Variants in PCDHGA1 observed in about 807,000 individuals in gnomAD.
PCDHGA1 encodes protocadherin gamma subfamily A, 1.
PCDHGA1 carries 32 observed loss-of-function variants against 58.0 expected under a neutral mutation model. The observed-to-expected ratio is 0.55, with a 90% CI of 0.42 to 0.74. The LOEUF (loss-of-function observed/expected upper bound fraction) is 0.74, where lower values mean the gene tolerates loss of function less well. Among genes scored for constraint, PCDHGA1 ranks in the 30% least tolerant of loss-of-function variants. The pLI is 0.00. For missense variants in PCDHGA1, 1,205 were observed against 1,182.3 expected (o/e 1.02, Z -0.28); for synonymous variants, 498 against 501.1 (o/e 0.99, Z 0.08).
chr5:141,333,102 TCAG>T lies in PCDHGA1; in HGVS notation c.2419_2421del (p.Gln808del). On this transcript the variant is annotated inframe_deletion and splice_region_variant, in exon 1 of 4. Transcript: ENST00000517417. ...TTGAAGACAAAAAGGAACCATTTTCTCAGGTAAACTTTTGTGATGAATGTATCA... is the reference window on the plus strand; with the variant it reads ...TTGAAGACAAAAAGGAACCATTTTCTGTAAACTTTTGTGATGAATGTATCA... 6.2e-7 allele frequency: 1 copy of T among 1,614,214 alleles called. No homozygotes were observed. The highest frequency in any genetic ancestry group is 8.5e-7 in the Non-Finnish European group (1 of 1,180,032).
Position 141,491,657 on chromosome 5 carries a change from A to T in PCDHGA1, c.2422-3150A>T. 1.2e-6 allele frequency: 2 copies of T among 1,613,740 alleles called. No homozygotes were observed. Among genetic ancestry groups the T allele is most frequent in the Non-Finnish European group, 1.7e-6 (2 of 1,180,006 alleles). On this transcript the variant is annotated intron_variant, in intron 1 of 3. Transcript: ENST00000517417. The surrounding 1 kb of genome is among the most constrained non-coding windows in gnomAD (Gnocchi z 6.9). ...CCCACAGCTCTGGCGCTGGAGCCTG[A>T]CGCCATCCGGTCCCGCTCTAATACG...
At position 141,511,411 on chromosome 5, in the gene PCDHGA1, A is replaced by G; in HGVS notation, c.*238A>G. On this transcript the variant is annotated 3_prime_UTR_variant, in exon 4 of 4. Coordinates refer to ENST00000517417, the MANE Select transcript of PCDHGA1 (RefSeq NM_018912.3). ...GAACCCCCATCCAATCAACTGCTGT[A>G]CCCATGGGGGTAGTGGGGTTACTGT... The G allele has an allele frequency of 1.1e-6, 1 of 901,334 alleles. No homozygotes were observed. Among genetic ancestry groups the G allele is most frequent in the Non-Finnish European group, 1.6e-6 (1 of 617,750 alleles). The allele number at this position is 901,334 out of a possible 1,614,324, so 55.8% of individuals were successfully genotyped here. A position where few individuals can be genotyped will look rare whatever the true frequency, so the allele number is the denominator to read the frequency against.
chr5:141,366,534 T>C (rs1383417034), intron 1 of PCDHGA1: 2 of 1,614,264 alleles, frequency 1.2e-6, no homozygotes, highest in Non-Finnish European at 1.7e-6. Context: ...TTGGCGGGTG[T>C]GCCCGCCTCG....
At chr5:141,371,563 T>TC in intron 1 of PCDHGA1, 1 of 1,613,806 alleles carries the variant, frequency 6.2e-7, no homozygotes, top group Non-Finnish European at 8.5e-7. Context: ...AAAGGAAACT[T>TC]CCCCTTTAAA....
At chr5:141,410,366 G>A (rs3749767) in intron 1 of PCDHGA1, 379,797 of 1,613,758 alleles carry the variant, frequency 0.24, 48,670 homozygotes, top group African/African-American at 0.5. Context: ...TCTCAGCCCT[G>A]CTACTTGGGA....
chr5:141,431,111 G>A lies in PCDHGA1; in HGVS notation c.2422-63696G>A, dbSNP rs2097343539. The A allele has an allele frequency of 1.9e-6, 3 of 1,614,110 alleles. No individual in the cohort carries two copies. Among genetic ancestry groups the A allele is most frequent in the Non-Finnish European group, 2.5e-6 (3 of 1,180,034 alleles). On this transcript the variant is annotated intron_variant, in intron 1 of 3. Coordinates refer to ENST00000517417, the MANE Select transcript of PCDHGA1 (RefSeq NM_018912.3). This position sits in a 1 kb window ranked among gnomAD's most constrained non-coding sequence, Gnocchi z 4.8. ...GATGGAGGATAAAGTGAAAATATAT[G>A]GAGTAGAAGTAGAAGTAAGGGACAT...
chr5:141,384,356 A>G, intron 1 of PCDHGA1: 3 of 1,613,862 alleles, frequency 1.9e-6, no homozygotes, highest in Non-Finnish European at 1.7e-6. Flanking sequence ...GATAATGCCC[A>G]GATCACTTAT....
chr5:141,501,970 T>C (rs2099812082), intron 2 of PCDHGA1, among the ~76,000 whole-genome samples: 1 of 152,068 alleles, frequency 6.6e-6, no homozygotes. Flanking sequence ...TCCTAACCTC[T>C]GGCATCTGGT....
intron 1 of PCDHGA1, chr5:141,384,099 T>A (rs1456303515): frequency 6.3e-7 from 1 of 1,597,622 alleles, no homozygotes; most frequent in Non-Finnish European, 8.5e-7. Flanking sequence ...CAATAGATAA[T>A]TATTATAGAT....
intron 1 of PCDHGA1, chr5:141,375,524 G>A (rs746416710): frequency 1.9e-6 from 3 of 1,613,986 alleles, no homozygotes; most frequent in Middle Eastern, 1.6e-4. Flanking sequence ...GGACCCTGAC[G>A]TGGACCAGAA....
chr5:141,378,347 A>AC (rs1159176401), intron 1 of PCDHGA1: 1 of 152,134 alleles, frequency 6.6e-6, no homozygotes, highest in Non-Finnish European at 1.5e-5. Flanking sequence ...ACATGGTGAA[A>AC]CCCCGTCTCT....
chr5:141,413,645 C>T, intron 1 of PCDHGA1: 9 of 1,613,834 alleles, frequency 5.6e-6, no homozygotes, highest in Non-Finnish European at 7.6e-6. Context: ...ATGCGTTTTC[C>T]TCTCCCGGAA....
At chr5:141,358,684 A>C (rs1437513367) in intron 1 of PCDHGA1, among the ~76,000 whole-genome samples, 1 of 152,182 alleles carries the variant, frequency 6.6e-6, no homozygotes, top group African/African-American at 2.4e-5. Flanking sequence ...ATTGCTTATC[A>C]TGACATCACT....
intron 1 of PCDHGA1, chr5:141,344,543 C>T: frequency 3.7e-6 from 6 of 1,614,030 alleles, no homozygotes; most frequent in Non-Finnish European, 5.1e-6. Flanking sequence ...TGCAGAACTA[C>T]AAGCTTAGCC....
chr5:141,331,258 C>T lies in PCDHGA1; in HGVS notation c.574C>T (p.Pro192Ser), dbSNP rs779100150. The change falls in exon 1 of 4, where the codon CCA becomes TCA. Residue 192 changes from proline to serine, a missense_variant. Coordinates refer to ENST00000517417, the MANE Select transcript of PCDHGA1 (RefSeq NM_018912.3). Reference protein sequence around the residue: ...VQQGADGPQHPEMVLQSPLDR... With the variant: ...VQQGADGPQHSEMVLQSPLDR... ...ACAGGGAGCCGATGGGCCTCAACAT[C>T]CAGAGATGGTGCTGCAGAGTCCCTT... is the stretch of plus-strand genomic sequence containing the variant. 8.9e-5 allele frequency: 144 copies of T among 1,613,992 alleles called. No individual in the cohort carries two copies. The highest frequency in any genetic ancestry group is 1.2e-4 in the Non-Finnish European group (138 of 1,180,046).
chr5:141,481,724 C>T (rs1301509633), intron 1 of PCDHGA1, among the ~76,000 whole-genome samples: 2 of 151,882 alleles, frequency 1.3e-5, no homozygotes. Context: ...GAGGCGGAGG[C>T]GGGCGGATCA....
intron 1 of PCDHGA1, chr5:141,478,242 T>C (rs750487479): frequency 6.2e-7 from 1 of 1,614,156 alleles, no homozygotes; most frequent in Admixed American, 1.7e-5. Context: ...GTGGTCACAG[T>C]GTTCGGAGTA....
At chr5:141,442,759 A>G (rs2098341868) in intron 1 of PCDHGA1, among the ~76,000 whole-genome samples, 1 of 152,152 alleles carries the variant, frequency 6.6e-6, no homozygotes, top group Non-Finnish European at 1.5e-5. Flanking sequence ...GATTATATAT[A>G]TTTGTATGTG....
intron 1 of PCDHGA1, among the ~76,000 whole-genome samples, chr5:141,359,411 G>T (rs1467965013): frequency 6.6e-6 from 1 of 151,822 alleles, no homozygotes; most frequent in Non-Finnish European, 1.5e-5. Context: ...TTTAAAAAAT[G>T]TGTTTTTGTT....
Sources: allele counts gnomAD v4.1 joint callset (sites outside exome capture counted in the v4.1 genomes callset), GRCh38; gene constraint gnomAD v4.1.1; non-coding constraint Gnocchi (gnomAD v3.1); transcripts MANE v1.5; gene names NCBI Gene and HGNC (gene_info 2026-07-23, HGNC 2026-07-21).